The following VPS13B variants were observed in gnomAD, a reference collection of about 807,000 sequenced individuals.
VPS13B encodes vacuolar protein sorting 13 homolog B.
Under a neutral mutation model 426.4 loss-of-function variants are expected in VPS13B, and 285 were observed. That is an observed-to-expected ratio of 0.67 (90% CI 0.61 to 0.74). The LOEUF (loss-of-function observed/expected upper bound fraction) is 0.74, where lower values mean the gene tolerates loss of function less well. Ranked by LOEUF, VPS13B falls within the 30% of genes least tolerant of loss-of-function variation. VPS13B has a pLI of 0.00. For synonymous variants in VPS13B, 1,676 were observed against 1,676.4 expected (o/e 1.00, Z 0.01); for missense variants, 4,537 against 4,782.6 (o/e 0.95, Z 1.51).
At position 99,138,881 on chromosome 8, in the gene VPS13B, A is replaced by AG. The variant is rs1810231409; in HGVS notation, c.1651+2130dup. ...TGAAGTATGTAGTAGTTACCTTTTA[A>AG]GCAAAGGAAACCTAGCACAGAACAT... On this transcript the variant is annotated intron_variant, in intron 12 of 61. Transcript: ENST00000357162. 2.0e-5 allele frequency among the ~76,000 whole-genome samples: 3 copies of AG among 152,162 alleles called. No homozygotes were observed. The South Asian group carries it at 6.2e-4, about 32-fold the overall frequency.
At chr8:99,532,898 G>C (rs976341260) in intron 30 of VPS13B, among the ~76,000 whole-genome samples, 15 of 146,270 alleles carry the variant, frequency 1.0e-4, no homozygotes, top group African/African-American at 1.8e-4. Flanking sequence ...AATCTAAAAT[G>C]TATTTTAATT....
At chr8:99,868,228 A>G in intron 58 of VPS13B, 61 bp from the exon 59 acceptor site, 1 of 1,606,404 alleles carries the variant, frequency 6.2e-7, no homozygotes, top group Non-Finnish European at 8.5e-7. Flanking sequence ...TTCCAGATGG[A>G]GCCTTTCATT....
chr8:99,333,026 G>A (rs534215214), intron 19 of VPS13B, among the ~76,000 whole-genome samples: 15 of 151,814 alleles, frequency 9.9e-5, no homozygotes, highest in Non-Finnish European at 2.1e-4. Flanking sequence ...TAATTCTTCA[G>A]ACATGTAAGT....
At chr8:99,668,996 G>C (rs1253287325) in intron 35 of VPS13B, among the ~76,000 whole-genome samples, 1 of 152,114 alleles carries the variant, frequency 6.6e-6, no homozygotes, top group African/African-American at 2.4e-5. Flanking sequence ...AATTCCCCGT[G>C]AGAAGGTGAA....
chr8:99,032,217 C>A (rs1842537293), intron 2 of VPS13B, among the ~76,000 whole-genome samples: 1 of 152,188 alleles, frequency 6.6e-6, no homozygotes, highest in Non-Finnish European at 1.5e-5. Context: ...TTCATTACTT[C>A]CTGATGAGTT....
At chr8:99,591,988 A>T (rs1206522325) in intron 33 of VPS13B, among the ~76,000 whole-genome samples, 1 of 152,240 alleles carries the variant, frequency 6.6e-6, no homozygotes, top group South Asian at 2.1e-4. Flanking sequence ...AGGTACACCA[A>T]TCAAACATAG....
intron 24 of VPS13B, among the ~76,000 whole-genome samples, chr8:99,475,216 A>G (rs964987667): frequency 1.3e-5 from 2 of 152,186 alleles, no homozygotes; most frequent in African/African-American, 4.8e-5. Flanking sequence ...GAGAGAATAA[A>G]GAGGGGGTGA....
chr8:99,627,051 T>C (rs1457693180), intron 33 of VPS13B, among the ~76,000 whole-genome samples: 2 of 152,072 alleles, frequency 1.3e-5, no homozygotes, highest in Non-Finnish European at 2.9e-5. Flanking sequence ...ACATGTGAAA[T>C]CTAAAAAAGT....
intron 33 of VPS13B, among the ~76,000 whole-genome samples, chr8:99,633,812 T>TGTGTGC (rs917054172): frequency 6.7e-6 from 1 of 148,500 alleles, no homozygotes; most frequent in Admixed American, 6.8e-5. Context: ...GTCAGGTGTG[T>TGTGTGC]GTGTGTGTGT....
At chr8:99,229,144 A>C (rs1816180312) in intron 17 of VPS13B, among the ~76,000 whole-genome samples, 1 of 152,210 alleles carries the variant, frequency 6.6e-6, no homozygotes. Context: ...CACCTGTGAA[A>C]AAAAGGGTCG....
chr8:99,255,855 T>C (rs1817718533), intron 17 of VPS13B, among the ~76,000 whole-genome samples: 1 of 152,172 alleles, frequency 6.6e-6, no homozygotes, highest in Non-Finnish European at 1.5e-5. Context: ...GGGAGGGGCA[T>C]AGTCTTACTT....
intron 28 of VPS13B, among the ~76,000 whole-genome samples, chr8:99,510,323 A>G (rs1157188482): frequency 1.3e-5 from 2 of 152,210 alleles, no homozygotes; most frequent in Non-Finnish European, 2.9e-5. Context: ...TATCTAGTGA[A>G]GGTAATCATC....
chr8:99,599,903 T>C (rs1436935245), intron 33 of VPS13B, among the ~76,000 whole-genome samples: 3 of 152,144 alleles, frequency 2.0e-5, no homozygotes, highest in Non-Finnish European at 1.5e-5. Flanking sequence ...GTAGTGTACC[T>C]TTGAGAGACA....
intron 39 of VPS13B, among the ~76,000 whole-genome samples, chr8:99,742,976 G>A (rs1809835911): frequency 6.6e-6 from 1 of 152,024 alleles, no homozygotes; most frequent in African/African-American, 2.4e-5. Flanking sequence ...TTCTGGCCAG[G>A]GCAATCAGGC....
At chr8:99,214,543 T>TA (rs1257506975) in intron 17 of VPS13B, among the ~76,000 whole-genome samples, 2 of 152,206 alleles carry the variant, frequency 1.3e-5, no homozygotes, top group Admixed American at 1.3e-4. Context: ...TCATTTTTTT[T>TA]ACCAGCATTT....
chr8:99,369,491 G>C (rs567011768), intron 19 of VPS13B, among the ~76,000 whole-genome samples: 58 of 152,286 alleles, frequency 3.8e-4, no homozygotes, highest in African/African-American at 1.4e-3. Flanking sequence ...TCTGGGTTCT[G>C]TCAGGTTGTC....
Position 99,559,960 on chromosome 8 carries a change from TGA to T in VPS13B, c.4949+3308_4949+3309del, listed in dbSNP as rs1824812892. ...TCTGTGAAGAAAGTCATTGGTAGCT[TGA>T]TGGGGATGGCATTGAATCTATAAAT... On this transcript the variant is annotated intron_variant, in intron 31 of 61. Transcript: ENST00000357162. 2.6e-5 allele frequency among the ~76,000 whole-genome samples: 4 copies of T among 152,302 alleles called. No individual in the cohort carries two copies. In the South Asian group the frequency reaches 8.3e-4, roughly 32 times the overall value.
At chr8:99,286,939 T>A (rs1304055407) in intron 19 of VPS13B, among the ~76,000 whole-genome samples, 7 of 152,124 alleles carry the variant, frequency 4.6e-5, no homozygotes, top group African/African-American at 1.7e-4. Context: ...CTGGGATAAT[T>A]CTGTTGACCT....
At chr8:99,351,130 A>G (rs1188684576) in intron 19 of VPS13B, among the ~76,000 whole-genome samples, 1 of 152,140 alleles carries the variant, frequency 6.6e-6, no homozygotes, top group Non-Finnish European at 1.5e-5. Context: ...TTGAATTGAA[A>G]ATGCTATTCT....
Sources: gnomAD v4.1 joint callset for allele counts (sites outside exome capture counted in the v4.1 genomes callset) on GRCh38, gnomAD v4.1.1 for gene constraint, MANE v1.5 for transcripts, NCBI Gene and HGNC (gene_info 2026-07-23, HGNC 2026-07-21) for gene names.